Variants in MGAT5 observed in about 807,000 individuals in gnomAD.
MGAT5 encodes alpha-1,6-mannosylglycoprotein 6-beta-N-acetylglucosaminyltransferase A.
A neutral mutation model predicts 94.3 loss-of-function variants in MGAT5; 30 were observed. The ratio of observed to expected loss-of-function variants is 0.32; its 90% confidence interval spans 0.24 to 0.43. MGAT5 has a LOEUF of 0.43. Among genes scored for constraint, MGAT5 ranks in the 20% least tolerant of loss-of-function variants. The pLI, the probability that MGAT5 is intolerant of heterozygous loss-of-function variation, is 1.00. For synonymous variants in MGAT5, 310 were observed against 322.9 expected (o/e 0.96, Z 0.43); for missense variants, 691 against 905.5 (o/e 0.76, Z 3.04).
chr2:134,400,696 C>A (rs1682992815), intron 10 of MGAT5, among the ~76,000 whole-genome samples: 1 of 152,186 alleles, frequency 6.6e-6, no homozygotes, highest in African/African-American at 2.4e-5. Flanking sequence ...CTGTAGCTCA[C>A]CACAGACATA....
At chr2:134,400,204 G>A (rs1473199148) in intron 10 of MGAT5, among the ~76,000 whole-genome samples, 1 of 152,152 alleles carries the variant, frequency 6.6e-6, no homozygotes, top group African/African-American at 2.4e-5. Context: ...AGAGGCTTCT[G>A]GGGCACCTTT....
chr2:134,274,657 A>G (rs1041235273), intron 2 of MGAT5, among the ~76,000 whole-genome samples: 1 of 152,228 alleles, frequency 6.6e-6, no homozygotes, highest in Non-Finnish European at 1.5e-5. Flanking sequence ...GCCAGTGCTG[A>G]CTGTTCCTTA....
chr2:134,356,634 G>A (rs1204512074), intron 9 of MGAT5, among the ~76,000 whole-genome samples: 1 of 152,126 alleles, frequency 6.6e-6, no homozygotes, highest in Non-Finnish European at 1.5e-5. Context: ...TTTGAATGCA[G>A]AGGTGGGGAA....
chr2:134,266,361 C>T (rs139715861), intron 1 of MGAT5, among the ~76,000 whole-genome samples: 202 of 152,142 alleles, frequency 1.3e-3, no homozygotes, highest in African/African-American at 4.6e-3. Flanking sequence ...GTTGGGACTA[C>T]AGGCACACGC....
chr2:134,318,135 G>A (rs1687108495), intron 3 of MGAT5, among the ~76,000 whole-genome samples: 1 of 152,168 alleles, frequency 6.6e-6, no homozygotes, highest in Non-Finnish European at 1.5e-5. Flanking sequence ...TCCCTGCTCA[G>A]TAGTTTTCAG....
At chr2:134,216,296 G>T (rs1355439306) in intron 1 of MGAT5, among the ~76,000 whole-genome samples, 1 of 152,046 alleles carries the variant, frequency 6.6e-6, no homozygotes, top group Non-Finnish European at 1.5e-5. Flanking sequence ...GTGAAAGATG[G>T]CTAAGTCTGA....
intron 2 of MGAT5, among the ~76,000 whole-genome samples, chr2:134,274,346 G>T (rs1684214904): frequency 2.6e-5 from 4 of 152,196 alleles, no homozygotes; most frequent in Non-Finnish European, 1.5e-5. Flanking sequence ...GATTTGCCTA[G>T]AAGTCGGACT....
At chr2:134,423,108 C>T (rs1472718056) in intron 13 of MGAT5, among the ~76,000 whole-genome samples, 189 bp downstream of exon 13, 3 of 152,144 alleles carry the variant, frequency 2.0e-5, no homozygotes, top group Non-Finnish European at 4.4e-5. Flanking sequence ...GGAAACAGAG[C>T]TGGTATCCCG....
intron 2 of MGAT5, among the ~76,000 whole-genome samples, chr2:134,295,954 G>C (rs1301866897): frequency 1.3e-5 from 2 of 152,138 alleles, no homozygotes; most frequent in African/African-American, 4.8e-5. Flanking sequence ...ATTTTTATTT[G>C]GGAGGTGGAA....
chr2:134,244,010 T>C (rs949798620), intron 1 of MGAT5, among the ~76,000 whole-genome samples: 26 of 152,240 alleles, frequency 1.7e-4, no homozygotes, highest in Admixed American at 5.9e-4. Flanking sequence ...CCTGTTGTCA[T>C]TCTTGGTTTT....
At chr2:134,241,404 C>T (rs574252572) in intron 1 of MGAT5, among the ~76,000 whole-genome samples, 1 of 152,312 alleles carries the variant, frequency 6.6e-6, no homozygotes, top group Non-Finnish European at 1.5e-5. Context: ...GAAATGCAAA[C>T]ATGGGACATT....
chr2:134,140,800 C>A (rs142346381), intron 1 of MGAT5, among the ~76,000 whole-genome samples: 212 of 152,278 alleles, frequency 1.4e-3, no homozygotes, highest in African/African-American at 5.0e-3. Flanking sequence ...CACTACTGTT[C>A]TGATTAGAGA....
At chr2:134,292,293 G>A (rs73958347) in intron 2 of MGAT5, among the ~76,000 whole-genome samples, 4,998 of 152,198 alleles carry the variant, frequency 0.033, 250 homozygotes, top group African/African-American at 0.11. Context: ...GAGACCCAAT[G>A]CCTTTTACTC....
At chr2:134,151,221 CATGGGACCTCACTCACGCCCT>C (rs1264416752) in intron 1 of MGAT5, among the ~76,000 whole-genome samples, 2 of 150,558 alleles carry the variant, frequency 1.3e-5, no homozygotes, top group Non-Finnish European at 3.0e-5. Context: ...CGCTTACCGC[CATGGGACCTCACTCACGCCCT>C]ATGGGAGCCG....
chr2:134,388,531 C>G (rs1228906133), intron 10 of MGAT5, among the ~76,000 whole-genome samples: 1 of 151,854 alleles, frequency 6.6e-6, no homozygotes, highest in African/African-American at 2.4e-5. Flanking sequence ...TAGATTGTCT[C>G]GATTTTTTCA....
At chr2:134,431,553 A>G (rs1684875963) in intron 14 of MGAT5, among the ~76,000 whole-genome samples, 2 of 152,166 alleles carry the variant, frequency 1.3e-5, no homozygotes, top group Admixed American at 1.3e-4. Context: ...AGCTAGACGA[A>G]TATCTTCAAA....
chr2:134,183,080 G>C (rs189177631), intron 1 of MGAT5, among the ~76,000 whole-genome samples: 1 of 152,090 alleles, frequency 6.6e-6, no homozygotes, highest in East Asian at 1.9e-4. Context: ...GTGAGCCACC[G>C]CACCTGGCCA....
chr2:134,244,509 A>G (rs1169970146), intron 1 of MGAT5, among the ~76,000 whole-genome samples: 1 of 152,160 alleles, frequency 6.6e-6, no homozygotes, highest in Non-Finnish European at 1.5e-5. Flanking sequence ...TGTGGAGAAA[A>G]TGAGACTCAT....
At chr2:134,200,708 ATGT>A (rs1313037466) in intron 1 of MGAT5, among the ~76,000 whole-genome samples, 6 of 152,124 alleles carry the variant, frequency 3.9e-5, no homozygotes, top group Non-Finnish European at 1.5e-5. Context: ...TGTGGAGCCT[ATGT>A]TCTGGTAAAC....
Sources: gnomAD v4.1 joint callset for allele counts (sites outside exome capture counted in the v4.1 genomes callset) on GRCh38, gnomAD v4.1.1 for gene constraint, MANE v1.5 for transcripts, NCBI Gene and HGNC (gene_info 2026-07-23, HGNC 2026-07-21) for gene names.